The following S100A1 variants were observed in gnomAD, a reference collection of about 807,000 sequenced individuals.
S100A1 encodes the protein S100 calcium binding protein A1.
Under a neutral mutation model 7.6 loss-of-function variants are expected in S100A1, and 3 were observed. That is an observed-to-expected ratio of 0.40 (90% CI 0.18 to 1.02). The LOEUF (loss-of-function observed/expected upper bound fraction) is 1.02. Ranked by LOEUF, S100A1 falls within the 50% of genes least tolerant of loss-of-function variation. The probability of loss-of-function intolerance (pLI) is 0.35; values close to 1 mark genes in which losing one functional copy is unlikely to be tolerated. For synonymous variants in S100A1, 49 were observed against 49.0 expected (o/e 1.00, Z 0.00); for missense variants, 126 against 115.0 (o/e 1.10, Z -0.44).
rs573922428 is a variant in S100A1, at chr1:153,631,178, T to C, written c.141+516T>C. 2.5e-5 allele frequency: 10 copies of C among 405,462 alleles called. No individual in the cohort carries two copies. The South Asian group carries it at 2.5e-4, about 10-fold the overall frequency. The allele number at this position is 405,462 out of a possible 1,614,324, so 25.1% of individuals were successfully genotyped here. A position where few individuals can be genotyped will look rare whatever the true frequency, so the allele number is the denominator to read the frequency against. On this transcript the variant is annotated intron_variant, in intron 2 of 2. Transcript: ENST00000292169. ...TGTCAGTAGTTTCATTCAACTGGCA[T>C]GAAGGATGTAGAAAACTAGGCTGCT...
intron 2 of S100A1, 67 bp from the exon 3 acceptor site, chr1:153,631,631 C>A: frequency 1.2e-6 from 2 of 1,613,568 alleles, no homozygotes; most frequent in Non-Finnish European, 1.7e-6. Flanking sequence ...CTCAACCACC[C>A]CCTTGCCTCT....
In S100A1 at chr1:153,631,795, C is replaced by T. The variant is rs1668024895; in HGVS notation, c.239C>T (p.Ala80Val). 6.2e-7 allele frequency: 1 copy of T among 1,614,166 alleles called. No homozygotes were observed. Among genetic ancestry groups the T allele is most frequent in the Admixed American group, 1.7e-5 (1 of 60,020 alleles). Reference sequence around the variant, plus strand: ...TTCCAGGAGTATGTGGTGCTTGTGGCTGCTCTCACAGTGGCCTGTAACAAT... The same window carrying T: ...TTCCAGGAGTATGTGGTGCTTGTGGTTGCTCTCACAGTGGCCTGTAACAAT... ...VDFQEYVVLVAALTVACNNFF... is the reference protein window; with the variant it reads ...VDFQEYVVLVVALTVACNNFF... The change falls in exon 3 of 3, where the codon GCT (alanine) becomes GTT (valine). Residue 80 changes from alanine to valine, a missense_variant. Physicochemically the swap from Ala to Val is moderately conservative, Grantham distance 64 (BLOSUM62 0). Coordinates refer to ENST00000292169, the MANE Select transcript of S100A1 (RefSeq NM_006271.2).
At position 153,630,526 on chromosome 1, in the gene S100A1, G is replaced by C; in HGVS notation, c.5G>C (p.Gly2Ala). 1 of 1,614,182 alleles carries C rather than the reference G, an allele frequency of 6.2e-7. No individual in the cohort carries two copies. The highest frequency in any genetic ancestry group is 8.5e-7 in the Non-Finnish European group (1 of 1,180,012). Residue 2 changes from glycine to alanine, a missense_variant, in exon 2 of 3, where the codon GGC becomes GCC. Transcript: ENST00000292169. M[G>A]SELETAMETL... ...GTGGGTAGGTGCACTGCTGCAATGG[G>C]CTCTGAGCTGGAGACGGCGATGGAG...
In S100A1 at chr1:153,632,032, A is replaced by C; in HGVS notation, c.*191A>C. 1.6e-6 allele frequency: 1 copy of C among 613,382 alleles called. No homozygotes were observed. The highest frequency in any genetic ancestry group is 2.0e-5 in the South Asian group (1 of 49,740). 38.0% of individuals were successfully genotyped at this position (613,382 alleles called of 1,614,324 possible). A position where few individuals can be genotyped will look rare whatever the true frequency, so the allele number is the denominator to read the frequency against. On this transcript the variant is annotated 3_prime_UTR_variant, in exon 3 of 3. Coordinates refer to ENST00000292169, the MANE Select transcript of S100A1 (RefSeq NM_006271.2). ...ATCTTTCATTAAAGGCTTCTCTCTC[A>C]CCAGCCATCCGATGTCTGTCTCCTC...
intron 2 of S100A1, chr1:153,631,444 T>C (rs553900694): frequency 1.3e-6 from 2 of 1,559,542 alleles, no homozygotes; most frequent in Non-Finnish European, 1.7e-6. Context: ...AAGCTCCTAG[T>C]GTAGTGCTTG....
intron 2 of S100A1, chr1:153,631,354 ATT>A: frequency 8.9e-7 from 1 of 1,117,898 alleles, no homozygotes; most frequent in Non-Finnish European, 1.3e-6. Context: ...CCGATTACCA[ATT>A]TGTTTCTTCT....
intron 2 of S100A1, chr1:153,631,249 G>A: frequency 1.7e-6 from 1 of 572,450 alleles, no homozygotes; most frequent in Non-Finnish European, 3.1e-6. Flanking sequence ...GGATACGGTA[G>A]AAAGTGCACC....
At chr1:153,631,555 T>C (rs764280243) in intron 2 of S100A1, 143 bp from the exon 3 acceptor site, 6 of 1,613,822 alleles carry the variant, frequency 3.7e-6, no homozygotes, top group South Asian at 1.1e-5. Context: ...CTCAAGACCT[T>C]TGAGGAGGCC....
At chr1:153,630,706 G>A in intron 2 of S100A1, 44 bp downstream of exon 2, 3 of 1,603,446 alleles carry the variant, frequency 1.9e-6, no homozygotes, top group Middle Eastern at 3.3e-4. Flanking sequence ...GGTGAAGGTT[G>A]GGGGAATGGG....
rs1483639224 is a variant in S100A1, at chr1:153,631,838, T to C, written c.282T>C (p.Ser94=). The change falls in exon 3 of 3, where the codon AGT becomes AGC. Residue 94 remains serine, a synonymous_variant. Transcript: ENST00000292169. The part of the protein sequence containing the change: ...VACNNFFWEN[S] ...GTAACAATTTCTTCTGGGAGAACAG[T>C]TGAGCAGACAGCCACATTGGGCAGC... 2.5e-6 allele frequency: 4 copies of C among 1,613,622 alleles called. No homozygotes were observed. Among genetic ancestry groups the C allele is most frequent in the Admixed American group, 3.3e-5 (2 of 59,996 alleles).
At chr1:153,631,565 C>T in intron 2 of S100A1, 133 bp from the exon 3 acceptor site, 1 of 1,613,926 alleles carries the variant, frequency 6.2e-7, no homozygotes, top group East Asian at 2.2e-5. Context: ...TTGAGGAGGC[C>T]TAGAAGAGTC....
At chr1:153,628,692 G>C (rs1178334093) in intron 1 of S100A1, 196 bp downstream of exon 1, 2 of 938,810 alleles carry the variant, frequency 2.1e-6, no homozygotes, top group African/African-American at 3.3e-5. Flanking sequence ...CAAATGAACT[G>C]AAGGTCGGAG....
At position 153,630,520 on chromosome 1, in the gene S100A1, C is replaced by CAA. The variant is rs1475312401; in HGVS notation, c.-1_1dup. The stretch of plus-strand genomic sequence containing the variant: ...ATGGGGGTGGGTAGGTGCACTGCTG[C>CAA]AATGGGCTCTGAGCTGGAGACGGCG... On this transcript the variant is annotated 5_prime_UTR_variant, in exon 2 of 3. Transcript: ENST00000292169. 6.2e-7 allele frequency: 1 copy of CAA among 1,613,950 alleles called. No individual in the cohort carries two copies. Among genetic ancestry groups the CAA allele is most frequent in the Non-Finnish European group, 8.5e-7 (1 of 1,179,960 alleles).
chr1:153,630,722 C>T (rs1667966195), intron 2 of S100A1, 60 bp downstream of exon 2: 7 of 1,584,062 alleles, frequency 4.4e-6, no homozygotes, highest in East Asian at 4.5e-5. Context: ...ATGGGGTGGA[C>T]ACCCCCTTGC....
chr1:153,631,562 G>A (rs956135251), intron 2 of S100A1, 136 bp from the exon 3 acceptor site: 54 of 1,613,784 alleles, frequency 3.3e-5, no homozygotes, highest in Non-Finnish European at 4.3e-5. Flanking sequence ...CCTTTGAGGA[G>A]GCCTAGAAGA....
chr1:153,631,733 G>A lies in S100A1; in HGVS notation c.177G>A (p.Met59Ile), dbSNP rs896249158. The A allele has an allele frequency of 1.2e-6, 2 of 1,614,254 alleles. No homozygotes were observed. Among genetic ancestry groups the A allele is most frequent in the Non-Finnish European group, 8.5e-7 (1 of 1,180,046 alleles). ...ATGTGGATGCTGTGGACAAGGTGAT[G>A]AAGGAGCTAGACGAGAATGGAGACG... ...QKDVDAVDKV[M>I]KELDENGDGE... The change falls in exon 3 of 3, where the codon ATG becomes ATA. Residue 59 changes from methionine (M) to isoleucine (I), a missense_variant. By Grantham distance (10) the Met-to-Ile change is conservative (BLOSUM62 1). Transcript: ENST00000292169.
chr1:153,630,412 A>C, intron 1 of S100A1, 97 bp from the exon 2 acceptor site: 2 of 1,431,168 alleles, frequency 1.4e-6, no homozygotes, highest in Non-Finnish European at 1.9e-6. Context: ...CAGCTATTTG[A>C]GCTGTCAGCC....
rs1437117149 is a variant in S100A1, at chr1:153,631,621, C to T, written c.142-77C>T. 6 of 1,613,680 alleles carry T rather than the reference C, an allele frequency of 3.7e-6. No homozygotes were observed. The Admixed American group carries it at 6.7e-5, about 18-fold the overall frequency. On this transcript the variant is annotated intron_variant, in intron 2 of 2. Coordinates refer to ENST00000292169, the MANE Select transcript of S100A1 (RefSeq NM_006271.2). ...TCTCGCTCATCTTTGCCTCCTGCTCCTCAACCACCCCCTTGCCTCTGACTC... is the reference window on the plus strand; with the variant it reads ...TCTCGCTCATCTTTGCCTCCTGCTCTTCAACCACCCCCTTGCCTCTGACTC...
chr1:153,631,575 C>A, intron 2 of S100A1, 123 bp from the exon 3 acceptor site: 1 of 1,613,834 alleles, frequency 6.2e-7, no homozygotes, highest in African/African-American at 1.3e-5. Context: ...CTAGAAGAGT[C>A]CCATAATTCA....
Sources: allele counts gnomAD v4.1 joint callset, GRCh38; gene constraint gnomAD v4.1.1; transcripts MANE v1.5; gene names NCBI Gene and HGNC (gene_info 2026-07-23, HGNC 2026-07-21).